Variants in SP100 observed in about 807,000 individuals in gnomAD.
The protein encoded by SP100 is nuclear autoantigen Sp-100.
SP100 carries 84 observed loss-of-function variants against 130.0 expected under a neutral mutation model. The ratio of observed to expected loss-of-function variants is 0.65; its 90% CI spans 0.54 to 0.77. The LOEUF (loss-of-function observed/expected upper bound fraction) is 0.77, where lower values mean the gene tolerates loss of function less well. Among genes scored for constraint, SP100 ranks in the 30% least tolerant of loss-of-function variants. The pLI is 0.00. For synonymous variants in SP100, 331 were observed against 351.7 expected (o/e 0.94, Z 0.66); for missense variants, 978 against 1,052.2 (o/e 0.93, Z 0.97).
At chr2:230,526,894 G>A (rs757328523) in intron 24 of SP100, among the ~76,000 whole-genome samples, 5 of 151,928 alleles carry the variant, frequency 3.3e-5, no homozygotes, top group African/African-American at 7.3e-5. Context: ...GAAAAGAAAC[G>A]AACAAAGCCT....
intron 24 of SP100, among the ~76,000 whole-genome samples, chr2:230,535,195 C>CAA (rs59108942): frequency 6.5e-4 from 95 of 145,898 alleles, no homozygotes; most frequent in South Asian, 3.7e-3. Flanking sequence ...GACTCCATCT[C>CAA]AAAAAAAAAA....
chr2:230,462,757 A>G (rs1236829143), intron 10 of SP100: 4 of 474,390 alleles, frequency 8.4e-6, no homozygotes, highest in South Asian at 2.1e-5. Flanking sequence ...ATCAATATTC[A>G]TACCCATACA....
intron 17 of SP100, among the ~76,000 whole-genome samples, chr2:230,483,776 G>T (rs1019607511): frequency 6.6e-6 from 1 of 152,098 alleles, no homozygotes; most frequent in Non-Finnish European, 1.5e-5. Context: ...CATTATTCCT[G>T]ATAGTTATAT....
chr2:230,527,934 C>A (rs1691507601), intron 24 of SP100, among the ~76,000 whole-genome samples: 1 of 152,146 alleles, frequency 6.6e-6, no homozygotes, highest in South Asian at 2.1e-4. Context: ...TAAAGCAAGT[C>A]CTTACAGACC....
intron 2 of SP100, among the ~76,000 whole-genome samples, chr2:230,442,423 T>C (rs554631589): frequency 6.6e-6 from 1 of 152,330 alleles, no homozygotes; most frequent in East Asian, 1.9e-4. Context: ...ATTATTATTA[T>C]TAAACTGCAT....
rs967132595 is a variant in SP100, at chr2:230,543,798, G to A, written c.*852G>A. On this transcript the variant is annotated 3_prime_UTR_variant, in exon 29 of 29. Transcript: ENST00000340126. ...ACCAATGACATTCTTCACAGAACTAGATAAAACTATTTTAAAATTCATACA... is the reference window on the plus strand; with the variant it reads ...ACCAATGACATTCTTCACAGAACTAAATAAAACTATTTTAAAATTCATACA... 1.3e-5 allele frequency: 2 copies of A among 152,136 alleles called. No individual in the cohort carries two copies. Among genetic ancestry groups the A allele is most frequent in the Admixed American group, 1.3e-4 (2 of 15,264 alleles). 9.4% of individuals were successfully genotyped at this position (152,136 alleles called of 1,614,324 possible). A position where few individuals can be genotyped will look rare whatever the true frequency, so the allele number is the denominator to read the frequency against.
At chr2:230,453,337 G>A (rs2064111755) in intron 8 of SP100, among the ~76,000 whole-genome samples, 1 of 152,134 alleles carries the variant, frequency 6.6e-6, no homozygotes, top group South Asian at 2.1e-4. Flanking sequence ...TACAATTCAA[G>A]ATGAGTTTGG....
chr2:230,543,675 A>C lies in SP100; in HGVS notation c.*729A>C, dbSNP rs898586202. 6.6e-6 allele frequency: 1 copy of C among 152,220 alleles called. No homozygotes were observed. The highest frequency in any genetic ancestry group is 2.4e-5 in the African/African-American group (1 of 41,452). 9.4% of individuals were successfully genotyped at this position (152,220 alleles called of 1,614,324 possible). A position where few individuals can be genotyped will look rare whatever the true frequency, so the allele number is the denominator to read the frequency against. On this transcript the variant is annotated 3_prime_UTR_variant, in exon 29 of 29. Coordinates refer to ENST00000340126, the MANE Select transcript of SP100 (RefSeq NM_001080391.2). ...GATTGGAGATGACACAAACAAATGG[A>C]AAAACATCCCATGCTCCTGTGTAGA... is the stretch of plus-strand genomic sequence containing the variant.
chr2:230,488,990 A>G (rs1016513918), intron 17 of SP100, among the ~76,000 whole-genome samples: 6 of 151,708 alleles, frequency 4.0e-5, no homozygotes, highest in African/African-American at 1.5e-4. Flanking sequence ...TCCTTTTTTT[A>G]TTGTGTTTCT....
chr2:230,427,161 C>T (rs904622246), intron 2 of SP100, among the ~76,000 whole-genome samples: 7 of 151,928 alleles, frequency 4.6e-5, no homozygotes, highest in Non-Finnish European at 1.0e-4. Flanking sequence ...AGGAGTCTCT[C>T]TCTCTCTTTT....
intron 12 of SP100, 42 bp from the exon 13 acceptor site, chr2:230,467,078 C>A: frequency 1.5e-6 from 2 of 1,333,606 alleles, no homozygotes; most frequent in South Asian, 1.2e-5. Flanking sequence ...GTTCCCTTAT[C>A]ATACATTGAG....
At chr2:230,525,895 G>A (rs561641521) in intron 24 of SP100, among the ~76,000 whole-genome samples, 5 of 152,334 alleles carry the variant, frequency 3.3e-5, no homozygotes, top group African/African-American at 1.2e-4. Flanking sequence ...TAAACAAAAA[G>A]GCAGGGAAGC....
chr2:230,417,797 T>C, intron 2 of SP100, 132 bp downstream of exon 2: 1 of 1,358,248 alleles, frequency 7.4e-7, no homozygotes, highest in Non-Finnish European at 9.7e-7. Flanking sequence ...TTTGCCAATA[T>C]GATTCCGTTG....
intron 18 of SP100, among the ~76,000 whole-genome samples, chr2:230,496,636 A>G (rs2066681276): frequency 6.6e-6 from 1 of 152,186 alleles, no homozygotes. Context: ...GATATGGTGG[A>G]TGCATGAGCC....
chr2:230,469,702 A>G, intron 14 of SP100: 2 of 1,174,664 alleles, frequency 1.7e-6, no homozygotes, highest in African/African-American at 1.6e-5. Context: ...TTCTTATGAC[A>G]AGCATATATT....
intron 18 of SP100, among the ~76,000 whole-genome samples, chr2:230,495,093 A>G (rs2066592407): frequency 6.6e-6 from 1 of 152,228 alleles, no homozygotes; most frequent in South Asian, 2.1e-4. Flanking sequence ...CTCTTTGGCA[A>G]GGACAGGAGC....
rs1278569830 is a variant in SP100, at chr2:230,540,863, C to T, written c.2211-13C>T. 8 of 1,607,356 alleles carry T rather than the reference C, an allele frequency of 5.0e-6. No homozygotes were observed. The highest frequency in any genetic ancestry group is 1.1e-5 in the South Asian group (1 of 90,272). On this transcript the variant is annotated splice_polypyrimidine_tract_variant and intron_variant, in intron 25 of 28. Coordinates refer to ENST00000340126, the MANE Select transcript of SP100 (RefSeq NM_001080391.2). ...AGAACCTGCCATTGCTCACTTTATG[C>T]CCCATCTCTCAGGAACCCGTGGAGT...
chr2:230,449,021 G>A, intron 5 of SP100, 67 bp from the exon 6 acceptor site: 1 of 994,984 alleles, frequency 1.0e-6, no homozygotes, highest in South Asian at 1.3e-5. Flanking sequence ...ACCAAAAAGG[G>A]ATTAGGGGAG....
In SP100 at chr2:230,524,402, T is replaced by A. The variant is rs1355909903; in HGVS notation, c.2094+13236T>A. On this transcript the variant is annotated intron_variant, in intron 24 of 28. Coordinates refer to ENST00000340126, the MANE Select transcript of SP100 (RefSeq NM_001080391.2). ...AGAAAAGAAAAGGAAAAAAAACGTATAAACCCAGCCAAAACAAAATGATCA... is the reference window on the plus strand; with the variant it reads ...AGAAAAGAAAAGGAAAAAAAACGTAAAAACCCAGCCAAAACAAAATGATCA... 4.0e-5 allele frequency among the ~76,000 whole-genome samples: 6 copies of A among 148,902 alleles called. No homozygotes were observed. The East Asian group carries it at 9.8e-4, about 24-fold the overall frequency.
Sources: allele counts gnomAD v4.1 joint callset (sites outside exome capture counted in the v4.1 genomes callset), GRCh38; gene constraint gnomAD v4.1.1; transcripts MANE v1.5; gene names NCBI Gene and HGNC (gene_info 2026-07-23, HGNC 2026-07-21).